PLA2G4C: variants seen among roughly 807,000 people sequenced by gnomAD.
PLA2G4C encodes the protein cytosolic phospholipase A2 gamma.
In PLA2G4C, 64 loss-of-function variants were observed where a neutral mutation model predicts 73.8. The observed-to-expected ratio is 0.87, with a 90% confidence interval of 0.71 to 1.07. PLA2G4C has a LOEUF of 1.07. Ranked by LOEUF, PLA2G4C falls within the 50% of genes least tolerant of loss-of-function variation. The pLI, the probability that PLA2G4C is intolerant of heterozygous loss-of-function variation, is 0.00. For missense variants in PLA2G4C, 622 were observed against 665.4 expected, an observed-to-expected ratio of 0.93 and a Z score of 0.72; for synonymous variants, 254 against 252.1, an observed-to-expected ratio of 1.01 and a Z score of -0.07.
At chr19:48,049,827 T>C (rs11564662) in intron 16 of PLA2G4C, among the ~76,000 whole-genome samples, 32,413 of 151,916 alleles carry the variant, frequency 0.21, 3,935 homozygotes, top group Non-Finnish European at 0.27. Flanking sequence ...AGGAGAGAGG[T>C]CTCAGGAGAA....
chr19:48,100,603 TAAAAA>T (rs745962740), intron 4 of PLA2G4C, among the ~76,000 whole-genome samples: 2 of 40,656 alleles, frequency 4.9e-5, no homozygotes, highest in Admixed American at 3.2e-4. Flanking sequence ...TGACTCCATC[TAAAAA>T]AAAAAAAAAA....
intron 10 of PLA2G4C, among the ~76,000 whole-genome samples, chr19:48,084,279 C>T (rs566633698): frequency 1.3e-5 from 2 of 152,212 alleles, no homozygotes; most frequent in East Asian, 3.9e-4. Flanking sequence ...AGCTTGCACT[C>T]GAACCCCTGA....
At chr19:48,053,504 G>C (rs1967810612) in intron 15 of PLA2G4C, among the ~76,000 whole-genome samples, 1 of 151,806 alleles carries the variant, frequency 6.6e-6, no homozygotes, top group Admixed American at 6.6e-5. Context: ...CAAGTAGCTA[G>C]GATTACAGGC....
At chr19:48,100,603 T>TCAA (rs1568452658) in intron 4 of PLA2G4C, among the ~76,000 whole-genome samples, 4 of 40,682 alleles carry the variant, frequency 9.8e-5, no homozygotes, top group African/African-American at 4.4e-4. Context: ...TGACTCCATC[T>TCAA]AAAAAAAAAA....
intron 13 of PLA2G4C, 166 bp from the exon 14 acceptor site, chr19:48,062,318 G>T: frequency 1.7e-6 from 1 of 576,438 alleles, no homozygotes; most frequent in Non-Finnish European, 2.9e-6. Context: ...AGATTCATAT[G>T]TTGAAGCCCT....
intron 9 of PLA2G4C, among the ~76,000 whole-genome samples, chr19:48,087,076 T>G (rs551754591): frequency 6.6e-6 from 1 of 152,296 alleles, no homozygotes; most frequent in African/African-American, 2.4e-5. Context: ...ACACTCACTG[T>G]AGTCTGGTGC....
rs191418101 is a variant in PLA2G4C at position 48,094,356 on chromosome 19, G to A, written c.709+1108C>T. Among the ~76,000 whole-genome samples, 148 of 152,236 alleles carry A rather than the reference G, an allele frequency of 9.7e-4. 1 individual carries two copies. The highest frequency in any genetic ancestry group is 3.5e-3 in the African/African-American group (146 of 41,548). Reference sequence around the variant, plus strand: ...CTTCCCTGGAGTGCAAACTTCATTAGGGAATGAGCCTTCACTGTCCTGCTC... The same window carrying A: ...CTTCCCTGGAGTGCAAACTTCATTAAGGAATGAGCCTTCACTGTCCTGCTC... On this transcript the variant is annotated intron_variant, in intron 7 of 16. Transcript: ENST00000599921.
intron 10 of PLA2G4C, among the ~76,000 whole-genome samples, chr19:48,079,542 G>C (rs2030401365): frequency 6.6e-6 from 1 of 152,136 alleles, no homozygotes; most frequent in Non-Finnish European, 1.5e-5. Context: ...ATGTGAATTT[G>C]CATCAAAGAC....
chr19:48,099,537 A>G (rs985190984), intron 5 of PLA2G4C, 134 bp downstream of exon 5: 1 of 607,206 alleles, frequency 1.6e-6, no homozygotes, highest in Non-Finnish European at 2.9e-6. Context: ...CATCAACCGA[A>G]GTGCCCAGAT....
rs2032444608 is a variant in PLA2G4C at position 48,110,519 on chromosome 19, C to T, written c.-65G>A. 3.1e-6 allele frequency: 3 copies of T among 982,706 alleles called. No individual in the cohort carries two copies. The highest frequency in any genetic ancestry group is 3.7e-5 in the South Asian group (2 of 54,624). The allele number at this position is 982,706 out of a possible 1,614,324, so 60.9% of individuals were successfully genotyped here. A position where few individuals can be genotyped will look rare whatever the true frequency, so the allele number is the denominator to read the frequency against. On this transcript the variant is annotated 5_prime_UTR_variant, in exon 1 of 17. Coordinates refer to ENST00000599921, the MANE Select transcript of PLA2G4C (RefSeq NM_003706.3). The stretch of plus-strand genomic sequence containing the variant: ...TGGGTCTGGGGCGTGTGCGCATGCG[C>T]GGTGGAGCTTGTGCTCCGGAATCCG...
At chr19:48,110,293 C>G (rs2032424997) in intron 1 of PLA2G4C, among the ~76,000 whole-genome samples, 194 bp downstream of exon 1, 1 of 151,684 alleles carries the variant, frequency 6.6e-6, no homozygotes, top group Non-Finnish European at 1.5e-5. Flanking sequence ...TTGCCGTGAG[C>G]CGAGATCGCG....
chr19:48,078,385 A>G (rs2030311646), intron 10 of PLA2G4C, among the ~76,000 whole-genome samples: 1 of 152,194 alleles, frequency 6.6e-6, no homozygotes, highest in African/African-American at 2.4e-5. Flanking sequence ...GACAAGAGAA[A>G]GAAATGAAGG....
chr19:48,066,541 G>A (rs1484661004), intron 13 of PLA2G4C, among the ~76,000 whole-genome samples: 1 of 151,982 alleles, frequency 6.6e-6, no homozygotes, highest in Non-Finnish European at 1.5e-5. Context: ...CCCTTCCCAG[G>A]CCACACACAG....
At position 48,102,930 on chromosome 19, in the gene PLA2G4C, A is replaced by G. The variant is rs554238555; in HGVS notation, c.257+1658T>C. 9.2e-5 allele frequency among the ~76,000 whole-genome samples: 14 copies of G among 152,260 alleles called. No individual in the cohort carries two copies. The South Asian group carries it at 1.0e-3, about 11-fold the overall frequency. On this transcript the variant is annotated intron_variant, in intron 4 of 16. Transcript: ENST00000599921. ...CCAGTCTTCATCGTCCACACTTACA[A>G]TGCTCAACAGCGGAGGAAACCAAGG...
intron 13 of PLA2G4C, among the ~76,000 whole-genome samples, chr19:48,064,444 A>AC (rs397765795): frequency 6.6e-6 from 1 of 151,142 alleles, no homozygotes; most frequent in Non-Finnish European, 1.5e-5. Context: ...AAAAAAAAAA[A>AC]CCAAAAACCA....
chr19:48,108,074 C>T (rs1206614840), intron 1 of PLA2G4C, among the ~76,000 whole-genome samples: 2 of 152,064 alleles, frequency 1.3e-5, no homozygotes, highest in East Asian at 1.9e-4. Flanking sequence ...TGGTAGTGGT[C>T]CCCCAGGCCC....
chr19:48,075,201 TG>T (rs2030064932), intron 11 of PLA2G4C, among the ~76,000 whole-genome samples: 2 of 145,234 alleles, frequency 1.4e-5, no homozygotes, highest in Non-Finnish European at 3.0e-5. Context: ...TTTATTTATT[TG>T]AGACAGAGTA....
At chr19:48,107,123 G>A (rs1052283506) in intron 1 of PLA2G4C, among the ~76,000 whole-genome samples, 5 of 152,096 alleles carry the variant, frequency 3.3e-5, no homozygotes, top group African/African-American at 4.8e-5. Context: ...GGGATTACAG[G>A]CACGAGCCAC....
intron 8 of PLA2G4C, 39 bp from the exon 9 acceptor site, chr19:48,088,751 C>A (rs1163928830): frequency 1.4e-6 from 2 of 1,443,666 alleles, no homozygotes; most frequent in Non-Finnish European, 2.0e-6. Flanking sequence ...TTTATCTGTA[C>A]AACAAAGTCC....
Sources: gnomAD v4.1 joint callset for allele counts (sites outside exome capture counted in the v4.1 genomes callset) on GRCh38, gnomAD v4.1.1 for gene constraint, MANE v1.5 for transcripts, NCBI Gene and HGNC (gene_info 2026-07-23, HGNC 2026-07-21) for gene names.